OPCML: variants seen among roughly 807,000 people sequenced by gnomAD.
The protein encoded by OPCML is opioid binding protein/cell adhesion molecule like, also known as opioid-binding protein/cell adhesion molecule.
Under a neutral mutation model 37.8 loss-of-function variants are expected in OPCML, and 13 were observed. The observed-to-expected ratio is 0.34, with a 90% CI of 0.22 to 0.55. The LOEUF (loss-of-function observed/expected upper bound fraction) is 0.55, where lower values mean the gene tolerates loss of function less well. Ranked by LOEUF, OPCML falls within the 20% of genes least tolerant of loss-of-function variation. The pLI, the probability that OPCML is intolerant of heterozygous loss-of-function variation, is 0.91. For missense variants in OPCML, 341 were observed against 435.6 expected (o/e 0.78, Z 1.93); for synonymous variants, 176 against 168.8 (o/e 1.04, Z -0.33).
At chr11:132,523,557 T>C (rs957624300) in intron 4 of OPCML, among the ~76,000 whole-genome samples, 3 of 152,160 alleles carry the variant, frequency 2.0e-5, no homozygotes, top group African/African-American at 7.2e-5. Context: ...ACAGGTGCAC[T>C]GACTTTAGGA....
rs2095952492 is a variant in OPCML, at chr11:132,420,089, A to G, written c.*104T>C. 3 of 897,356 alleles carry G rather than the reference A, an allele frequency of 3.3e-6. No individual in the cohort carries two copies. Among genetic ancestry groups the G allele is most frequent in the Non-Finnish European group, 5.1e-6 (3 of 585,848 alleles). 55.6% of individuals were successfully genotyped at this position (897,356 alleles called of 1,614,324 possible). A position where few individuals can be genotyped will look rare whatever the true frequency, so the allele number is the denominator to read the frequency against. Reference sequence around the variant, plus strand: ...AAAAAGAAAACAAATCTAGAATAACAGAAAAAAACAAAAAGAAGCCCAAGC... The same window carrying G: ...AAAAAGAAAACAAATCTAGAATAACGGAAAAAAACAAAAAGAAGCCCAAGC... On this transcript the variant is annotated 3_prime_UTR_variant, in exon 8 of 8. Coordinates refer to ENST00000524381, the MANE Select transcript of OPCML (RefSeq NM_001012393.5).
At chr11:133,464,089 T>C (rs532941122) in intron 1 of OPCML, among the ~76,000 whole-genome samples, 11 of 152,208 alleles carry the variant, frequency 7.2e-5, no homozygotes, top group Middle Eastern at 3.4e-3. Context: ...GGACTCCAAC[T>C]CCAATCCATC....
intron 1 of OPCML, among the ~76,000 whole-genome samples, chr11:133,349,034 C>G (rs1025028756): frequency 6.6e-6 from 1 of 152,186 alleles, no homozygotes; most frequent in African/African-American, 2.4e-5. Flanking sequence ...TTCTGACTCC[C>G]TTTCTACAAC....
intron 1 of OPCML, among the ~76,000 whole-genome samples, chr11:133,375,894 G>A (rs1489756192): frequency 6.6e-6 from 1 of 152,108 alleles, no homozygotes; most frequent in Non-Finnish European, 1.5e-5. Context: ...AAGTGCCTTA[G>A]GAATCTCAAG....
At chr11:133,164,535 C>T (rs1192030782) in intron 1 of OPCML, among the ~76,000 whole-genome samples, 7 of 152,302 alleles carry the variant, frequency 4.6e-5, no homozygotes, top group Admixed American at 3.9e-4. Context: ...TGCCATCACT[C>T]GAGACCGCAG....
chr11:132,805,816 G>A (rs1194110390), intron 2 of OPCML, among the ~76,000 whole-genome samples: 1 of 152,154 alleles, frequency 6.6e-6, no homozygotes, highest in East Asian at 1.9e-4. Flanking sequence ...TGGAAACTCA[G>A]ATCTATAGGT....
intron 1 of OPCML, chr11:133,026,099 G>A (rs887718296): frequency 4.1e-6 from 4 of 984,858 alleles, no homozygotes; most frequent in Admixed American, 6.2e-5. Flanking sequence ...TTGGGCATAT[G>A]TGTTCAAGTT....
Position 133,352,384 on chromosome 11 carries a change from C to T in OPCML, c.61+179880G>A, listed in dbSNP as rs147561707. Reference sequence around the variant, plus strand: ...CTCTTCTTGGCCGGGAATGCTCTTTCCTGGATCATGAAGTAGTTGTTTTCT... The same window carrying T: ...CTCTTCTTGGCCGGGAATGCTCTTTTCTGGATCATGAAGTAGTTGTTTTCT... On this transcript the variant is annotated intron_variant, in intron 1 of 7. Coordinates refer to ENST00000524381, the MANE Select transcript of OPCML (RefSeq NM_001012393.5). Among the ~76,000 whole-genome samples the T allele has an allele frequency of 1.2e-3, 178 of 152,322 alleles. 4 individuals are homozygous for T. In the East Asian group the frequency reaches 0.032, roughly 27 times the overall value.
At chr11:133,080,093 C>T (rs1463989081) in intron 1 of OPCML, among the ~76,000 whole-genome samples, 4 of 152,136 alleles carry the variant, frequency 2.6e-5, no homozygotes, top group African/African-American at 7.2e-5. Context: ...AATAGGGTCC[C>T]CACTCACCCT....
At chr11:133,375,803 C>A (rs1343924752) in intron 1 of OPCML, among the ~76,000 whole-genome samples, 1 of 152,102 alleles carries the variant, frequency 6.6e-6, no homozygotes, top group Non-Finnish European at 1.5e-5. Context: ...CTGTGCGTTC[C>A]CACAATGACT....
chr11:133,313,568 G>A (rs1225068500), intron 1 of OPCML, among the ~76,000 whole-genome samples: 1 of 152,160 alleles, frequency 6.6e-6, no homozygotes, highest in Admixed American at 6.5e-5. Context: ...GAGCATCCTG[G>A]AACATTTCCA....
intron 2 of OPCML, among the ~76,000 whole-genome samples, chr11:132,742,082 AC>A: frequency 6.6e-6 from 1 of 152,266 alleles, no homozygotes; most frequent in African/African-American, 2.4e-5. Flanking sequence ...TTCAAAAATG[AC>A]TTCCTTTAGT....
chr11:133,399,082 C>T (rs1463493236), intron 1 of OPCML, among the ~76,000 whole-genome samples: 2 of 152,308 alleles, frequency 1.3e-5, no homozygotes, highest in South Asian at 2.1e-4. Context: ...TTGTTACTTG[C>T]TTCCCTTTCT....
chr11:133,027,167 T>C (rs1005700526), intron 1 of OPCML, among the ~76,000 whole-genome samples: 10 of 152,204 alleles, frequency 6.6e-5, no homozygotes, highest in Non-Finnish European at 4.4e-5. Context: ...TTTCACAGTT[T>C]CAACACTAAG....
intron 1 of OPCML, among the ~76,000 whole-genome samples, chr11:133,396,573 T>A (rs1945290696): frequency 6.6e-6 from 1 of 152,178 alleles, no homozygotes; most frequent in African/African-American, 2.4e-5. Flanking sequence ...AGTCTAGTGA[T>A]CACTCTTCTG....
intron 1 of OPCML, among the ~76,000 whole-genome samples, chr11:133,384,839 GA>G (rs982426754): frequency 3.1e-4 from 47 of 152,362 alleles, no homozygotes; most frequent in African/African-American, 1.0e-3. Context: ...GCCTAGGCTG[GA>G]TGATAGGCAG....
At chr11:132,504,681 G>A (rs1443905927) in intron 4 of OPCML, among the ~76,000 whole-genome samples, 1 of 149,856 alleles carries the variant, frequency 6.7e-6, no homozygotes, top group Non-Finnish European at 1.5e-5. Flanking sequence ...TCAGGGCATG[G>A]CATGGCAGCT....
intron 1 of OPCML, chr11:133,068,191 A>C (rs1948468502): frequency 1.3e-5 from 2 of 152,160 alleles, no homozygotes; most frequent in African/African-American, 4.8e-5. Flanking sequence ...TTATTTCCTT[A>C]AGCCAAAACT....
chr11:133,204,868 GTATATATATATATATA>G (rs57658806), intron 1 of OPCML, among the ~76,000 whole-genome samples: 5,787 of 117,310 alleles, frequency 0.049, 301 homozygotes, highest in African/African-American at 0.11. Context: ...ATATATATGT[GTATATATATATATATA>G]TATATATATA....
Sources: allele counts gnomAD v4.1 joint callset (sites outside exome capture counted in the v4.1 genomes callset), GRCh38; gene constraint gnomAD v4.1.1; transcripts MANE v1.5; gene names NCBI Gene and HGNC (gene_info 2026-07-23, HGNC 2026-07-21).